Variants in HECTD4 observed in about 807,000 individuals in gnomAD.
HECTD4 encodes the protein probable E3 ubiquitin-protein ligase HECTD4.
A neutral mutation model predicts 471.5 loss-of-function variants in HECTD4; 114 were observed. That is an observed-to-expected ratio of 0.24 (90% CI 0.21 to 0.28). The LOEUF is 0.28. Ranked by LOEUF, HECTD4 falls within the 10% of genes least tolerant of loss-of-function variation. The pLI is 1.00. For missense variants in HECTD4, 3,866 were observed against 5,651.5 expected, an observed-to-expected ratio of 0.68 and a Z score of 10.13; for synonymous variants, 2,012 against 2,256.0, an observed-to-expected ratio of 0.89 and a Z score of 3.07.
chr12:112,370,840 G>C (rs1465069377), intron 1 of HECTD4, among the ~76,000 whole-genome samples: 1 of 151,968 alleles, frequency 6.6e-6, no homozygotes, highest in Non-Finnish European at 1.5e-5. Flanking sequence ...CAAAATAAAA[G>C]TTACACAATT....
intron 1 of HECTD4, among the ~76,000 whole-genome samples, chr12:112,358,701 C>T (rs144386269): frequency 1.0e-3 from 155 of 152,188 alleles, no homozygotes; most frequent in African/African-American, 3.5e-3. Flanking sequence ...TCATTCAAAA[C>T]ATGTATCAAG....
intron 8 of HECTD4, among the ~76,000 whole-genome samples, chr12:112,282,661 T>C (rs2034669881): frequency 6.6e-6 from 1 of 152,218 alleles, no homozygotes; most frequent in Non-Finnish European, 1.5e-5. Context: ...GACTTTCAAA[T>C]TCTGTACGTG....
intron 1 of HECTD4, among the ~76,000 whole-genome samples, chr12:112,362,977 CAGGCA>C (rs1364079287): frequency 6.6e-6 from 1 of 152,186 alleles, no homozygotes; most frequent in Non-Finnish European, 1.5e-5. Flanking sequence ...ACTGGGATTA[CAGGCA>C]TGAGCCACTG....
At position 112,237,027 on chromosome 12, in the gene HECTD4, G is replaced by A; in HGVS notation, c.5362C>T (p.Arg1788Ter). 1 of 1,609,082 alleles carries A rather than the reference G, an allele frequency of 6.2e-7. No individual in the cohort carries two copies. ...TGGTTGCCACAGCACTCTGTGGCTC[G>A]GGCAAGATGGTTAGTGAGAAGGCTG... ...VSSLLTNHLA[R>*]ATECCGNQAA... Residue 1788 changes from arginine to a stop codon, truncating the protein, a stop_gained, in exon 35 of 76, where the codon CGA becomes TGA. Transcript: ENST00000682272. LOFTEE classifies it high-confidence loss of function.
chr12:112,184,233 T>G lies in HECTD4; in HGVS notation c.10733A>C (p.Asn3578Thr), dbSNP rs2031776691. Residue 3578 changes from asparagine to threonine, a missense_variant, in exon 61 of 76, where the codon AAC (asparagine) becomes ACC (threonine). Physicochemically the swap from Asn to Thr is moderately conservative, Grantham distance 65. This residue lies in a region of HECTD4 where 192 missense variants were observed against 189.9 expected (regional missense o/e 1.01). Coordinates refer to ENST00000682272, the MANE Select transcript of HECTD4 (RefSeq NM_001388303.1). The surrounding 1 kb of genome is among the most constrained non-coding windows in gnomAD (Gnocchi z 9.1). ...GSMYTVTSLD[N>T]QPLAARPIKG... ...GATGGGGCGGGCGGCGAGGGGCTGG[T>G]TGTCCAGGGAAGTGACTGTGTACAT... is the stretch of plus-strand genomic sequence containing the variant. 6.2e-7 allele frequency: 1 copy of G among 1,613,282 alleles called. No homozygotes were observed. The highest frequency in any genetic ancestry group is 1.3e-5 in the African/African-American group (1 of 75,040).
chr12:112,305,487 G>A (rs151211761), intron 7 of HECTD4, among the ~76,000 whole-genome samples: 8 of 152,046 alleles, frequency 5.3e-5, no homozygotes, highest in East Asian at 1.9e-4. Flanking sequence ...CACTAATTAC[G>A]ATTATCTCGT....
chr12:112,165,374 T>A (rs531495786), intron 72 of HECTD4, among the ~76,000 whole-genome samples: 1 of 143,192 alleles, frequency 7.0e-6, no homozygotes, highest in South Asian at 2.3e-4. Flanking sequence ...TTTTTTGAGA[T>A]GAAGTCTTGC....
At position 112,235,089 on chromosome 12, in the gene HECTD4, T is replaced by A; in HGVS notation, c.5903A>T (p.Gln1968Leu). 6.4e-7 allele frequency: 1 copy of A among 1,574,690 alleles called. No individual in the cohort carries two copies. The highest frequency in any genetic ancestry group is 8.6e-7 in the Non-Finnish European group (1 of 1,159,410). ...REDQSSHEVL[Q>L]PLLSSSEGRP... ...TCATTATGGTCACCTTAGCAATGGC[T>A]GGAGGACTTCATGGGATGACTGGTC... The change falls in exon 37 of 76, where the codon CAG (glutamine) becomes CTG (leucine). Residue 1968 changes from glutamine (Q) to leucine (L), a missense_variant. Physicochemically the swap from Gln to Leu is moderately radical, Grantham distance 113 (BLOSUM62 -2). Around this residue, in one of 16 missense-constraint regions of HECTD4, gnomAD observed 617 missense variants for 915.1 expected, o/e 0.67. Coordinates refer to ENST00000682272, the MANE Select transcript of HECTD4 (RefSeq NM_001388303.1). This position sits in a 1 kb window ranked among gnomAD's most constrained non-coding sequence, Gnocchi z 5.0.
At chr12:112,280,482 A>G (rs1034129647) in intron 8 of HECTD4, among the ~76,000 whole-genome samples, 7 of 152,154 alleles carry the variant, frequency 4.6e-5, no homozygotes, top group African/African-American at 7.2e-5. Flanking sequence ...ATAGATGAAA[A>G]TCATTTTTAG....
At chr12:112,367,617 C>T (rs1300470367) in intron 1 of HECTD4, among the ~76,000 whole-genome samples, 2 of 151,628 alleles carry the variant, frequency 1.3e-5, no homozygotes, top group African/African-American at 4.8e-5. Flanking sequence ...GTCAGGAGTT[C>T]AAGACCAGCC....
At chr12:112,268,476 C>T (rs951886692) in intron 13 of HECTD4, among the ~76,000 whole-genome samples, 2 of 152,192 alleles carry the variant, frequency 1.3e-5, no homozygotes, top group Admixed American at 1.3e-4. Context: ...TTTGCTGAGG[C>T]CAGGCGTGGT....
intron 1 of HECTD4, among the ~76,000 whole-genome samples, chr12:112,365,772 G>GTTTTTTTTTTTTTTTT (rs5800943): frequency 1.1e-5 from 1 of 91,978 alleles, no homozygotes; most frequent in African/African-American, 4.1e-5. Flanking sequence ...TTTTTTTTTT[G>GTTTTTTTTTTTTTTTT]TTTTTTTTTT....
In HECTD4 at chr12:112,239,251, T is replaced by C. The variant is rs764428173; in HGVS notation, c.5106-15A>G. The C allele has an allele frequency of 3.9e-5, 63 of 1,597,976 alleles. No individual in the cohort carries two copies. Among genetic ancestry groups the C allele is most frequent in the Non-Finnish European group, 6.0e-6 (7 of 1,171,948 alleles). On this transcript the variant is annotated splice_polypyrimidine_tract_variant and intron_variant, in intron 33 of 75. Coordinates refer to ENST00000682272, the MANE Select transcript of HECTD4 (RefSeq NM_001388303.1). This position sits in a 1 kb window ranked among gnomAD's most constrained non-coding sequence, Gnocchi z 4.9. ...TCTCTTCGCTCCTGACAAAGGGTCA[T>C]GGATTACACTAGATAAACGTAACTG...
At chr12:112,238,942 C>T in intron 34 of HECTD4, 110 bp downstream of exon 34, 1 of 1,048,640 alleles carries the variant, frequency 9.5e-7, no homozygotes, top group East Asian at 2.6e-5. Flanking sequence ...CCCATCTGAT[C>T]ATGTCATTTA....
intron 1 of HECTD4, among the ~76,000 whole-genome samples, chr12:112,378,240 A>C (rs1282199761): frequency 6.6e-6 from 1 of 151,904 alleles, no homozygotes; most frequent in African/African-American, 2.4e-5. Context: ...TCTTTTTTTG[A>C]CGGAGTCTCG....
At chr12:112,289,429 T>C (rs2034828067) in intron 7 of HECTD4, among the ~76,000 whole-genome samples, 2 of 152,342 alleles carry the variant, frequency 1.3e-5, no homozygotes, top group Middle Eastern at 3.4e-3. Flanking sequence ...GATTCTGCTC[T>C]CTGATCTTAG....
intron 37 of HECTD4, 25 bp from the exon 38 acceptor site, chr12:112,233,110 C>T (rs977230677): frequency 1.3e-6 from 2 of 1,582,462 alleles, no homozygotes; most frequent in African/African-American, 2.7e-5. Flanking sequence ...GCAGAGAACA[C>T]AGCACACCTT....
chr12:112,195,377 G>A (rs1008635847), intron 55 of HECTD4, among the ~76,000 whole-genome samples: 1 of 152,202 alleles, frequency 6.6e-6, no homozygotes, highest in African/African-American at 2.4e-5. Context: ...AAGAACTCAA[G>A]TGTCCATTAA....
At chr12:112,172,956 G>A (rs1256649889) in intron 66 of HECTD4, 95 bp from the exon 67 acceptor site, 2 of 1,101,822 alleles carry the variant, frequency 1.8e-6, no homozygotes, top group Non-Finnish European at 2.7e-6. Flanking sequence ...CTCAGCTCCT[G>A]GAGCACATTC....
Sources: gnomAD v4.1 joint callset for allele counts (sites outside exome capture counted in the v4.1 genomes callset) on GRCh38, gnomAD v4.1.1 for gene constraint, gnomAD v4.1.1 regional missense constraint, Gnocchi (gnomAD v3.1) non-coding constraint, MANE v1.5 for transcripts, NCBI Gene and HGNC (gene_info 2026-07-23, HGNC 2026-07-21) for gene names.